Variants in VEGFC observed in about 807,000 individuals in gnomAD.
VEGFC encodes the protein vascular endothelial growth factor C, also known as FLT4 ligand DHM.
VEGFC carries 12 observed loss-of-function variants against 46.1 expected under a neutral mutation model. That is an observed-to-expected ratio of 0.26 (90% confidence interval 0.17 to 0.42). VEGFC has a LOEUF of 0.42. Ranked by LOEUF, VEGFC falls within the 10% of genes least tolerant of loss-of-function variation. The pLI is 1.00. For synonymous variants in VEGFC, 232 were observed against 195.5 expected, an observed-to-expected ratio of 1.19 and a Z score of -1.56; for missense variants, 488 against 529.4, an observed-to-expected ratio of 0.92 and a Z score of 0.77.
intron 1 of VEGFC, among the ~76,000 whole-genome samples, chr4:176,736,549 C>T (rs1379379270): frequency 6.6e-6 from 1 of 151,582 alleles, no homozygotes; most frequent in Admixed American, 6.6e-5. Flanking sequence ...TAGAATTTAA[C>T]ATAATGCTTA....
intron 4 of VEGFC, among the ~76,000 whole-genome samples, chr4:176,702,233 G>A (rs1210371805): frequency 6.6e-6 from 1 of 152,060 alleles, no homozygotes; most frequent in Non-Finnish European, 1.5e-5. Context: ...AAGCAAATAA[G>A]TTTTACTGAG....
rs970187597 is a variant in VEGFC, at chr4:176,711,602, T to C, written c.601A>G (p.Ile201Val). 18 of 1,613,736 alleles carry C rather than the reference T, an allele frequency of 1.1e-5. No homozygotes were observed. Among genetic ancestry groups the C allele is most frequent in the East Asian group, 2.2e-5 (1 of 44,850 alleles). The change falls in exon 4 of 7, where the codon ATC (isoleucine) becomes GTC (valine). Residue 201 changes from isoleucine to valine, a missense_variant. By Grantham distance (29) the Ile-to-Val change is conservative. Coordinates refer to ENST00000618562, the MANE Select transcript of VEGFC (RefSeq NM_005429.5). ...CAGGAAGTGTGATTGGCAAAACTGA[T>C]TGTTACTGGTTTGGGGCCTTGAGAG... ...PLSQGPKPVT[I>V]SFANHTSCRC...
intron 1 of VEGFC, among the ~76,000 whole-genome samples, chr4:176,748,042 A>G (rs1735285242): frequency 6.6e-6 from 1 of 152,066 alleles, no homozygotes; most frequent in Non-Finnish European, 1.5e-5. Flanking sequence ...CTTTTAAAAT[A>G]TACCTTGAGG....
At chr4:176,704,706 A>T (rs534713951) in intron 4 of VEGFC, among the ~76,000 whole-genome samples, 1 of 152,084 alleles carries the variant, frequency 6.6e-6, no homozygotes, top group Non-Finnish European at 1.5e-5. Flanking sequence ...TGTTCTTTCT[A>T]TAATACAAAA....
chr4:176,689,493 C>T (rs1734108817), intron 4 of VEGFC: 1 of 152,198 alleles, frequency 6.6e-6, no homozygotes, highest in Admixed American at 6.5e-5. Flanking sequence ...TCTACAGCAT[C>T]TACTAGACAC....
At chr4:176,684,883 G>T (rs543970223) in intron 6 of VEGFC, among the ~76,000 whole-genome samples, 1 of 152,200 alleles carries the variant, frequency 6.6e-6, no homozygotes, top group South Asian at 2.1e-4. Context: ...GTGTGGCCAC[G>T]CCTGGCTAAG....
intron 3 of VEGFC, among the ~76,000 whole-genome samples, chr4:176,716,584 G>GAAAAAAAAAAAAAAAAAA (rs57274087): frequency 8.3e-3 from 359 of 43,404 alleles, no homozygotes; most frequent in Non-Finnish European, 9.9e-3. Flanking sequence ...CTCCCTCTCC[G>GAAAAAAAAAAAAAAAAAA]AAAAAAAAAA....
intron 1 of VEGFC, among the ~76,000 whole-genome samples, chr4:176,791,717 A>C (rs79798140): frequency 7.7e-4 from 117 of 152,330 alleles, no homozygotes; most frequent in African/African-American, 2.8e-3. Flanking sequence ...GGTGCTCTGC[A>C]GACTATGAAC....
chr4:176,743,853 T>C (rs894090707), intron 1 of VEGFC, among the ~76,000 whole-genome samples: 1 of 151,950 alleles, frequency 6.6e-6, no homozygotes, highest in African/African-American at 2.4e-5. Context: ...GCAATGTAAA[T>C]GTGAAACAAA....
In VEGFC at chr4:176,687,944, C is replaced by A. The variant is rs541594133; in HGVS notation, c.705-17G>T. Reference sequence around the variant, plus strand: ...GCCTGACACCTTTGGAAGAAACAGACGAGGTTTAGCAATGGTGTAACTGGT... The same window carrying A: ...GCCTGACACCTTTGGAAGAAACAGAAGAGGTTTAGCAATGGTGTAACTGGT... On this transcript the variant is annotated splice_polypyrimidine_tract_variant and intron_variant, in intron 4 of 6. Transcript: ENST00000618562. The A allele has an allele frequency of 5.8e-5, 90 of 1,539,710 alleles. 1 individual carries two copies. Among genetic ancestry groups the A allele is most frequent in the Middle Eastern group, 1.7e-4 (1 of 5,886 alleles).
intron 4 of VEGFC, among the ~76,000 whole-genome samples, chr4:176,705,733 T>C (rs1432209345): frequency 2.0e-5 from 3 of 152,158 alleles, no homozygotes; most frequent in African/African-American, 7.2e-5. Flanking sequence ...ATCCTTGAGT[T>C]AGGAGTTATT....
At chr4:176,697,831 T>C (rs1396196107) in intron 4 of VEGFC, among the ~76,000 whole-genome samples, 2 of 150,206 alleles carry the variant, frequency 1.3e-5, no homozygotes, top group East Asian at 2.0e-4. Flanking sequence ...TCATGTCCTT[T>C]GTAGGGACAT....
intron 4 of VEGFC, among the ~76,000 whole-genome samples, chr4:176,707,979 T>C (rs939249114): frequency 2.0e-5 from 3 of 151,784 alleles, no homozygotes; most frequent in African/African-American, 7.2e-5. Flanking sequence ...TATTATTAAT[T>C]CTACAAATGT....
chr4:176,714,393 A>G (rs920540218), intron 3 of VEGFC, among the ~76,000 whole-genome samples: 2 of 152,160 alleles, frequency 1.3e-5, no homozygotes, highest in African/African-American at 4.8e-5. Flanking sequence ...CCAGAAGGTG[A>G]GCAAATGCCA....
At chr4:176,791,436 G>A (rs1474902863) in intron 1 of VEGFC, among the ~76,000 whole-genome samples, 1 of 151,678 alleles carries the variant, frequency 6.6e-6, no homozygotes, top group Non-Finnish European at 1.5e-5. Context: ...TCAGGCAAAG[G>A]ATTAAACACC....
intron 3 of VEGFC, among the ~76,000 whole-genome samples, chr4:176,723,326 T>A (rs1264956241): frequency 6.6e-6 from 1 of 152,100 alleles, no homozygotes; most frequent in African/African-American, 2.4e-5. Flanking sequence ...CATATGTATA[T>A]ATATACATAC....
At chr4:176,691,185 T>A (rs1262788601) in intron 4 of VEGFC, among the ~76,000 whole-genome samples, 1 of 152,216 alleles carries the variant, frequency 6.6e-6, no homozygotes, top group Non-Finnish European at 1.5e-5. Context: ...AATGTGGTCA[T>A]GATGGATAGA....
chr4:176,718,492 T>C (rs545337062), intron 3 of VEGFC, among the ~76,000 whole-genome samples: 41 of 152,274 alleles, frequency 2.7e-4, no homozygotes, highest in African/African-American at 9.4e-4. Flanking sequence ...TTTGTTAATA[T>C]ACATGCTCAT....
chr4:176,790,795 A>G (rs774604737), intron 1 of VEGFC, among the ~76,000 whole-genome samples: 8 of 152,336 alleles, frequency 5.3e-5, no homozygotes, highest in Non-Finnish European at 1.0e-4. Context: ...AGCGTTATTG[A>G]GCCGATTATT....
Sources: gnomAD v4.1 joint callset for allele counts (sites outside exome capture counted in the v4.1 genomes callset) on GRCh38, gnomAD v4.1.1 for gene constraint, MANE v1.5 for transcripts, NCBI Gene and HGNC (gene_info 2026-07-23, HGNC 2026-07-21) for gene names.